The following TMEM131 variants were observed in gnomAD, a reference collection of about 807,000 sequenced individuals.
The protein encoded by TMEM131 is 2610524E03Rik.
In TMEM131, 66 loss-of-function variants were observed where a neutral mutation model predicts 211.6. The observed-to-expected ratio is 0.31, with a 90% CI of 0.26 to 0.38. The LOEUF (loss-of-function observed/expected upper bound fraction) is 0.38. Ranked by LOEUF, TMEM131 falls within the 10% of genes least tolerant of loss-of-function variation. The pLI, the probability that TMEM131 is intolerant of heterozygous loss-of-function variation, is 1.00. For synonymous variants in TMEM131, 844 were observed against 841.3 expected, an observed-to-expected ratio of 1.00 and a Z score of -0.06; for missense variants, 2,036 against 2,299.3, an observed-to-expected ratio of 0.89 and a Z score of 2.34.
At position 97,981,028 on chromosome 2, in the gene TMEM131, C is replaced by CAAAAAAAAAAAAAAAAAAAAAAAAA. The variant is rs57606185; in HGVS notation, c.187+14423_187+14447dup. Among the ~76,000 whole-genome samples, 11 of 37,972 alleles carry CAAAAAAAAAAAAAAAAAAAAAAAAA rather than the reference C, an allele frequency of 2.9e-4. 3 individuals carry two copies. Among genetic ancestry groups the CAAAAAAAAAAAAAAAAAAAAAAAAA allele is most frequent in the African/African-American group, 4.9e-4 (5 of 10,260 alleles). 24.9% of individuals were successfully genotyped at this position (37,972 alleles called of 152,430 possible). The stretch of plus-strand genomic sequence containing the variant: ...TGCTGAAACTCACAGAACTACACAC[C>CAAAAAAAAAAAAAAAAAAAAAAAAA]AAAAAAAAAAAAAAAAAAAAAAAAA... On this transcript the variant is annotated intron_variant, in intron 1 of 40. Transcript: ENST00000186436.
chr2:97,880,315 C>G (rs565938504), intron 4 of TMEM131, among the ~76,000 whole-genome samples: 2 of 152,096 alleles, frequency 1.3e-5, no homozygotes, highest in South Asian at 4.2e-4. Flanking sequence ...AATAGGAAAC[C>G]ATTAAAGGAA....
Position 97,834,611 on chromosome 2 carries a change from A to T in TMEM131, c.1012+10T>A, listed in dbSNP as rs777978282. On this transcript the variant is annotated intron_variant, in intron 10 of 40. Coordinates refer to ENST00000186436, the MANE Select transcript of TMEM131 (RefSeq NM_015348.2). ...AACTCCATAAAGACTCTTTTAAAAG[A>T]TTTTTTTACCTTGTGTTCTTAGTGT... 2.0e-6 allele frequency: 3 copies of T among 1,519,092 alleles called. No individual in the cohort carries two copies. Among genetic ancestry groups the T allele is most frequent in the Non-Finnish European group, 2.6e-6 (3 of 1,138,302 alleles). The allele number at this position is 1,519,092 out of a possible 1,614,324, so 94.1% of individuals were successfully genotyped here. A position where few individuals can be genotyped will look rare whatever the true frequency, so the allele number is the denominator to read the frequency against.
intron 33 of TMEM131, 57 bp from the exon 34 acceptor site, chr2:97,766,659 A>T (rs941129202): frequency 1.3e-6 from 2 of 1,590,710 alleles, no homozygotes; most frequent in Non-Finnish European, 1.7e-6. Flanking sequence ...TGGAGGACAG[A>T]AGTCATTAAG....
chr2:97,814,717 TGC>T (rs926491858), intron 13 of TMEM131, among the ~76,000 whole-genome samples: 1 of 152,224 alleles, frequency 6.6e-6, no homozygotes, highest in Non-Finnish European at 1.5e-5. Flanking sequence ...AATGAATCTT[TGC>T]CAAGTTGAGT....
intron 5 of TMEM131, among the ~76,000 whole-genome samples, chr2:97,846,343 T>G (rs1683429952): frequency 6.6e-6 from 1 of 152,116 alleles, no homozygotes; most frequent in Admixed American, 6.5e-5. Flanking sequence ...GGGCAACACA[T>G]CATGAGCAAG....
At chr2:97,986,587 C>T (rs1300579719) in intron 1 of TMEM131, among the ~76,000 whole-genome samples, 1 of 152,002 alleles carries the variant, frequency 6.6e-6, no homozygotes, top group Non-Finnish European at 1.5e-5. Flanking sequence ...ATTTTCATGC[C>T]CAGCCATAAC....
chr2:97,884,305 A>T (rs987699995), intron 4 of TMEM131, among the ~76,000 whole-genome samples: 15 of 152,306 alleles, frequency 9.8e-5, no homozygotes, highest in African/African-American at 2.2e-4. Flanking sequence ...AAATTAATTT[A>T]AAAAAATTTT....
chr2:97,838,944 A>T lies in TMEM131; in HGVS notation c.724-1787T>A, dbSNP rs911183478. 3.3e-5 allele frequency among the ~76,000 whole-genome samples: 5 copies of T among 152,186 alleles called. No individual in the cohort carries two copies. The East Asian group carries it at 7.7e-4, about 23-fold the overall frequency. Reference sequence around the variant, plus strand: ...ACCTTAAATGATAGGATGACTATAGAACTTTTTCTGGAAAACCAGAAAACA... The same window carrying T: ...ACCTTAAATGATAGGATGACTATAGTACTTTTTCTGGAAAACCAGAAAACA... On this transcript the variant is annotated intron_variant, in intron 7 of 40. Coordinates refer to ENST00000186436, the MANE Select transcript of TMEM131 (RefSeq NM_015348.2).
At chr2:97,920,250 G>C (rs1184032691) in intron 2 of TMEM131, among the ~76,000 whole-genome samples, 3 of 152,108 alleles carry the variant, frequency 2.0e-5, no homozygotes, top group Admixed American at 2.0e-4. Context: ...TTCTGTCTCA[G>C]GATCTTGTTG....
chr2:97,868,386 T>C (rs1017235439), intron 4 of TMEM131, among the ~76,000 whole-genome samples: 1 of 152,224 alleles, frequency 6.6e-6, no homozygotes, highest in African/African-American at 2.4e-5. Flanking sequence ...TTTCTGCTAG[T>C]TGTGTCTCGC....
At chr2:97,815,796 AAAT>A (rs1348593206) in intron 12 of TMEM131, among the ~76,000 whole-genome samples, 1 of 152,166 alleles carries the variant, frequency 6.6e-6, no homozygotes, top group Non-Finnish European at 1.5e-5. Flanking sequence ...CTTGGAGGCA[AAAT>A]TACCCCCCAC....
chr2:97,975,399 G>A (rs766179674), intron 1 of TMEM131, among the ~76,000 whole-genome samples: 6 of 151,946 alleles, frequency 3.9e-5, no homozygotes, highest in Non-Finnish European at 7.4e-5. Context: ...AGAAAAAAAC[G>A]ACAGAAAACA....
Position 97,759,716 on chromosome 2 carries a change from G to C in TMEM131, c.5142C>G (p.Ser1714Arg). The change falls in exon 39 of 41, where the codon AGC becomes AGG. Residue 1714 changes from serine to arginine, a missense_variant. Coordinates refer to ENST00000186436, the MANE Select transcript of TMEM131 (RefSeq NM_015348.2). ...SGLWSPVSNP[S>R]SPDFTPLNSF... is the part of the protein sequence containing the mutation. ...AATTGAGGGGAGTGAAGTCAGGGCT[G>C]CTTGGGTTGCTGACGGGACTCCACA... The C allele has an allele frequency of 1.9e-6, 3 of 1,613,586 alleles. No homozygotes were observed. The South Asian group carries it at 3.3e-5, about 18-fold the overall frequency.
chr2:97,902,636 T>G (rs532313234), intron 3 of TMEM131, among the ~76,000 whole-genome samples: 13 of 152,302 alleles, frequency 8.5e-5, no homozygotes, highest in East Asian at 1.9e-4. Flanking sequence ...CTTGTGATGG[T>G]TAATACTGAG....
rs540996352 is a variant in TMEM131, at chr2:97,987,031, A to T, written c.187+8445T>A. On this transcript the variant is annotated intron_variant, in intron 1 of 40. Coordinates refer to ENST00000186436, the MANE Select transcript of TMEM131 (RefSeq NM_015348.2). The stretch of plus-strand genomic sequence containing the variant: ...CATGTAGGGCCCTTGCCATACCATG[A>T]ATACAAACCACTAATTAACCTGAAT... Among the ~76,000 whole-genome samples the T allele has an allele frequency of 2.0e-5, 3 of 152,374 alleles. No individual in the cohort carries two copies. In the South Asian group the frequency reaches 6.2e-4, roughly 32 times the overall value.
chr2:97,988,086 T>C (rs1286634942), intron 1 of TMEM131, among the ~76,000 whole-genome samples: 1 of 145,068 alleles, frequency 6.9e-6, no homozygotes. Context: ...TTCAAAATAG[T>C]CTGGTACTGG....
chr2:97,895,649 T>C (rs1675577514), intron 3 of TMEM131, among the ~76,000 whole-genome samples: 1 of 152,230 alleles, frequency 6.6e-6, no homozygotes, highest in Non-Finnish European at 1.5e-5. Context: ...TTCTAGTTTA[T>C]TTGCGTAGAG....
At chr2:97,924,556 T>G (rs538728305) in intron 2 of TMEM131, among the ~76,000 whole-genome samples, 3 of 152,296 alleles carry the variant, frequency 2.0e-5, no homozygotes, top group South Asian at 2.1e-4. Context: ...CTGGCCCCTG[T>G]CCCCACCACA....
chr2:97,834,950 TAGCACA>T, intron 8 of TMEM131, 25 bp from the exon 9 acceptor site: 1 of 1,611,420 alleles, frequency 6.2e-7, no homozygotes, highest in Non-Finnish European at 8.5e-7. Flanking sequence ...GACCATAATG[TAGCACA>T]GCTTTTGTAA....
Sources: gnomAD v4.1 joint callset for allele counts (sites outside exome capture counted in the v4.1 genomes callset) on GRCh38, gnomAD v4.1.1 for gene constraint, MANE v1.5 for transcripts, NCBI Gene and HGNC (gene_info 2026-07-23, HGNC 2026-07-21) for gene names.